Variants in NCAPG2 observed in about 807,000 individuals in gnomAD.
The protein encoded by NCAPG2 is condensin-2 complex subunit G2.
Under a neutral mutation model 141.1 loss-of-function variants are expected in NCAPG2, and 53 were observed. That is an observed-to-expected ratio of 0.38 (90% CI 0.30 to 0.47). The LOEUF (loss-of-function observed/expected upper bound fraction) is 0.47. Among genes scored for constraint, NCAPG2 ranks in the 20% least tolerant of loss-of-function variants. NCAPG2 has a pLI of 0.99. For synonymous variants in NCAPG2, 499 were observed against 490.7 expected (o/e 1.02, Z -0.22); for missense variants, 1,087 against 1,389.0 (o/e 0.78, Z 3.46).
chr7:158,672,539 T>C (rs1239000712), intron 12 of NCAPG2, among the ~76,000 whole-genome samples: 18 of 151,140 alleles, frequency 1.2e-4, no homozygotes, highest in Non-Finnish European at 2.1e-4. Context: ...GACGGGGTTT[T>C]ACCTTGTTAG....
intron 13 of NCAPG2, among the ~76,000 whole-genome samples, chr7:158,667,536 GTGGCCCTCCAC>G (rs1833179528): frequency 4.3e-5 from 1 of 23,280 alleles, no homozygotes; most frequent in African/African-American, 2.6e-4. Context: ...TACCTACCCT[GTGGCCCTCCAC>G]CCGCTTACCC....
intron 11 of NCAPG2, among the ~76,000 whole-genome samples, chr7:158,677,100 G>C (rs1430519070): frequency 6.6e-6 from 1 of 152,060 alleles, no homozygotes; most frequent in Non-Finnish European, 1.5e-5. Flanking sequence ...AGGAGTTCAG[G>C]GGCAAGGATG....
chr7:158,676,529 T>C (rs1834060632), intron 11 of NCAPG2, among the ~76,000 whole-genome samples: 1 of 137,546 alleles, frequency 7.3e-6, no homozygotes, highest in Non-Finnish European at 1.5e-5. Context: ...GCTGTGATCA[T>C]GGCATGATTA....
chr7:158,673,861 C>T (rs376021988), intron 12 of NCAPG2, among the ~76,000 whole-genome samples: 2 of 152,148 alleles, frequency 1.3e-5, no homozygotes, highest in East Asian at 3.9e-4. Context: ...GAGGTTTTAC[C>T]ACAACATCCA....
chr7:158,667,451 G>T (rs1308858076), intron 13 of NCAPG2, among the ~76,000 whole-genome samples: 2 of 140,050 alleles, frequency 1.4e-5, no homozygotes, highest in South Asian at 2.3e-4. Context: ...CCCACTACTG[G>T]GTCCCTCCGC....
At chr7:158,702,857 T>C (rs1429678963) in intron 1 of NCAPG2, among the ~76,000 whole-genome samples, 1 of 152,198 alleles carries the variant, frequency 6.6e-6, no homozygotes, top group Non-Finnish European at 1.5e-5. Context: ...GGTCATCTCA[T>C]TCCTCAACTC....
At chr7:158,690,031 CATAA>C in intron 5 of NCAPG2, 78 bp from the exon 6 acceptor site, 1 of 1,149,132 alleles carries the variant, frequency 8.7e-7, no homozygotes. Flanking sequence ...TATTTTATAT[CATAA>C]ATAATGGTAA....
At chr7:158,682,843 TCATA>T (rs1360604409) in intron 9 of NCAPG2, among the ~76,000 whole-genome samples, 1 of 152,198 alleles carries the variant, frequency 6.6e-6, no homozygotes, top group Non-Finnish European at 1.5e-5. Flanking sequence ...AAGGTAAAGT[TCATA>T]TCTAAATTCT....
rs1045678770 is a variant in NCAPG2 at position 158,678,483 on chromosome 7, A to G, written c.1146+1477T>C. Among the ~76,000 whole-genome samples, 30 of 152,260 alleles carry G rather than the reference A, an allele frequency of 2.0e-4. 1 individual carries two copies. Among genetic ancestry groups the G allele is most frequent in the Admixed American group, 1.1e-3 (17 of 15,302 alleles). On this transcript the variant is annotated intron_variant, in intron 11 of 27. Coordinates refer to ENST00000356309, the MANE Select transcript of NCAPG2 (RefSeq NM_017760.7). ...CATGTGAAAATTACATGAGATTAAA[A>G]TTTTGTTGTCCACAAAATTTTTTTC...
At chr7:158,700,629 G>T (rs898490934) in intron 2 of NCAPG2, among the ~76,000 whole-genome samples, 1 of 152,092 alleles carries the variant, frequency 6.6e-6, no homozygotes, top group Admixed American at 6.6e-5. Flanking sequence ...ATGAGTTTGC[G>T]ATTATTTTTA....
intron 21 of NCAPG2, 145 bp downstream of exon 21, chr7:158,654,973 T>TA (rs1356574916): frequency 1.6e-6 from 2 of 1,232,390 alleles, no homozygotes; most frequent in Non-Finnish European, 2.2e-6. Context: ...TGCAAAAAGA[T>TA]AAACTAGAAA....
At chr7:158,698,779 G>A (rs1002360344) in intron 2 of NCAPG2, among the ~76,000 whole-genome samples, 4 of 144,716 alleles carry the variant, frequency 2.8e-5, no homozygotes, top group African/African-American at 1.1e-4. Flanking sequence ...TTTATCAGTA[G>A]TAGTAGTATT....
At position 158,656,323 on chromosome 7, in the gene NCAPG2, C is replaced by A; in HGVS notation, c.2325G>T (p.Glu775Asp). 2 of 1,614,204 alleles carry A rather than the reference C, an allele frequency of 1.2e-6. No homozygotes were observed. The highest frequency in any genetic ancestry group is 4.5e-5 in the East Asian group (2 of 44,878). ...EYLLTHPKNR[E>D]CLLSAPRKKL... ...TCTTCCGAGGAGCAGAGAGCAAGCACTCGCGGTTCTTTGGATGAGTCAGCA... is the reference window on the plus strand; with the variant it reads ...TCTTCCGAGGAGCAGAGAGCAAGCAATCGCGGTTCTTTGGATGAGTCAGCA... The change falls in exon 19 of 28, where the codon GAG (glutamate) becomes GAT (aspartate). Residue 775 changes from glutamate (E) to aspartate (D), a missense_variant. Physicochemically the swap from Glu to Asp is conservative, Grantham distance 45 (BLOSUM62 2). Transcript: ENST00000356309.
chr7:158,659,878 G>A (rs1166348704), intron 16 of NCAPG2, among the ~76,000 whole-genome samples: 3 of 152,072 alleles, frequency 2.0e-5, no homozygotes, highest in Admixed American at 6.5e-5. Context: ...TTGGGAGGCC[G>A]AGGCAGGCGG....
chr7:158,664,332 T>C (rs1453020376), intron 14 of NCAPG2, 36 bp from the exon 15 acceptor site: 1 of 1,567,470 alleles, frequency 6.4e-7, no homozygotes, highest in Non-Finnish European at 8.8e-7. Context: ...TTAATGGATG[T>C]GTTTCTTCTA....
intron 8 of NCAPG2, among the ~76,000 whole-genome samples, 180 bp from the exon 9 acceptor site, chr7:158,683,566 T>C (rs1746733428): frequency 6.6e-6 from 1 of 152,226 alleles, no homozygotes; most frequent in South Asian, 2.1e-4. Flanking sequence ...TTAGAATCCC[T>C]TTGGTTTTCT....
chr7:158,704,408 ACTCT>A (rs1836032170), intron 1 of NCAPG2, among the ~76,000 whole-genome samples: 1 of 113,886 alleles, frequency 8.8e-6, no homozygotes, highest in Non-Finnish European at 1.8e-5. Flanking sequence ...CTGAGGGGAC[ACTCT>A]CTGAGGACGG....
At position 158,648,916 on chromosome 7, in the gene NCAPG2, C is replaced by G. The variant is rs1267993757; in HGVS notation, c.3075+1916G>C. Among the ~76,000 whole-genome samples, 5 of 151,426 alleles carry G rather than the reference C, an allele frequency of 3.3e-5. No homozygotes were observed. In the East Asian group the frequency reaches 8.6e-4, roughly 26 times the overall value. ...ATGGACTATAACCACGCCAAATGGA[C>G]TATAACCACGCCAAATGGACTATAA... On this transcript the variant is annotated intron_variant, in intron 24 of 27. Coordinates refer to ENST00000356309, the MANE Select transcript of NCAPG2 (RefSeq NM_017760.7).
At chr7:158,658,291 G>A in intron 17 of NCAPG2, 47 bp downstream of exon 17, 1 of 1,518,868 alleles carries the variant, frequency 6.6e-7, no homozygotes, top group Non-Finnish European at 9.0e-7. Context: ...GCACAACAAT[G>A]GACAGGATTC....
Sources: allele counts gnomAD v4.1 joint callset (sites outside exome capture counted in the v4.1 genomes callset), GRCh38; gene constraint gnomAD v4.1.1; transcripts MANE v1.5; gene names NCBI Gene and HGNC (gene_info 2026-07-23, HGNC 2026-07-21).